The following SLC7A14 variants were observed in gnomAD, a reference collection of about 807,000 sequenced individuals.
SLC7A14 encodes gamma-aminobutyric acid transporter SLC7A14.
In SLC7A14, 37 loss-of-function variants were observed where a neutral mutation model predicts 60.2. The observed-to-expected ratio is 0.61, with a 90% CI of 0.47 to 0.81. The LOEUF (loss-of-function observed/expected upper bound fraction) is 0.81. SLC7A14 is among the 30% of genes least tolerant of loss of function. SLC7A14 has a pLI of 0.00. For missense variants in SLC7A14, 886 were observed against 982.7 expected (o/e 0.90, Z 1.32); for synonymous variants, 399 against 395.8 (o/e 1.01, Z -0.10).
chr3:170,505,628 G>A (rs943056586), intron 2 of SLC7A14, among the ~76,000 whole-genome samples: 7 of 152,184 alleles, frequency 4.6e-5, no homozygotes, highest in Non-Finnish European at 1.0e-4. Flanking sequence ...GCTCATGCCT[G>A]TAATCCCAGA....
At chr3:170,530,094 C>G (rs1350019521) in intron 1 of SLC7A14, among the ~76,000 whole-genome samples, 2 of 152,130 alleles carry the variant, frequency 1.3e-5, no homozygotes, top group African/African-American at 4.8e-5. Context: ...GCACAAATTG[C>G]AAAAACCGCA....
rs1049587237 is a variant in SLC7A14, at chr3:170,466,613, A to G, written c.*442T>C. The G allele has an allele frequency of 6.4e-6, 1 of 155,044 alleles. No individual in the cohort carries two copies. Among genetic ancestry groups the G allele is most frequent in the Non-Finnish European group, 1.4e-5 (1 of 70,196 alleles). The allele number at this position is 155,044 out of a possible 1,614,324, so 9.6% of individuals were successfully genotyped here. A position where few individuals can be genotyped will look rare whatever the true frequency, so the allele number is the denominator to read the frequency against. On this transcript the variant is annotated 3_prime_UTR_variant, in exon 8 of 8. Coordinates refer to ENST00000231706, the MANE Select transcript of SLC7A14 (RefSeq NM_020949.3). ...AATGATGCTTGCTCAGGAAGTGCCA[A>G]TGCCCATCTACCCACCCTGACCTCG... is the stretch of plus-strand genomic sequence containing the variant.
chr3:170,556,563 A>G (rs1714490092), intron 1 of SLC7A14, among the ~76,000 whole-genome samples: 1 of 152,214 alleles, frequency 6.6e-6, no homozygotes, highest in Non-Finnish European at 1.5e-5. Flanking sequence ...ATTGTAAGGT[A>G]TATCTCAGTA....
At chr3:170,513,453 G>T (rs555048059) in intron 2 of SLC7A14, among the ~76,000 whole-genome samples, 5 of 152,260 alleles carry the variant, frequency 3.3e-5, no homozygotes, top group African/African-American at 1.2e-4. Flanking sequence ...TATTCCAAGT[G>T]GGAAATGTCT....
intron 7 of SLC7A14, among the ~76,000 whole-genome samples, chr3:170,477,716 A>T (rs150719278): frequency 6.6e-6 from 1 of 152,228 alleles, no homozygotes; most frequent in Non-Finnish European, 1.5e-5. Context: ...ATTCATGTGT[A>T]TGTGTGGTTT....
At chr3:170,500,782 A>G (rs1371983696) in intron 3 of SLC7A14, among the ~76,000 whole-genome samples, 1 of 152,006 alleles carries the variant, frequency 6.6e-6, no homozygotes, top group Non-Finnish European at 1.5e-5. Context: ...AGTTTCCCTA[A>G]TCATCCTTTT....
intron 2 of SLC7A14, among the ~76,000 whole-genome samples, chr3:170,510,397 A>AAT (rs1712936642): frequency 1.4e-5 from 2 of 143,980 alleles, no homozygotes; most frequent in East Asian, 2.0e-4. Context: ...CAAAAAAAAA[A>AAT]AAATAAATAA....
chr3:170,559,936 T>C (rs1002998586), intron 1 of SLC7A14, among the ~76,000 whole-genome samples: 1 of 152,240 alleles, frequency 6.6e-6, no homozygotes. Context: ...TTACCAAATG[T>C]TTTTGGAAGG....
rs1211327416 is a variant in SLC7A14, at chr3:170,480,514, T to C, written c.1768A>G (p.Ile590Val). The change falls in exon 7 of 8, where the codon ATC becomes GTC. Residue 590 changes from isoleucine to valine, a missense_variant. Transcript: ENST00000231706. ...ATGGCCCACCAGCTCTGCTCTGAGA[T>C]GTAGTCAGAACCAAAGATGATGAAG... ...CSFIIFGSDY[I>V]SEQSWWAILL... 2.5e-6 allele frequency: 4 copies of C among 1,614,020 alleles called. No individual in the cohort carries two copies. Among genetic ancestry groups the C allele is most frequent in the Non-Finnish European group, 3.4e-6 (4 of 1,180,034 alleles).
At chr3:170,489,967 G>A (rs1007386384) in intron 4 of SLC7A14, among the ~76,000 whole-genome samples, 1 of 152,018 alleles carries the variant, frequency 6.6e-6, no homozygotes, top group Non-Finnish European at 1.5e-5. Context: ...GGCTGGACGG[G>A]GGGAGGTGGG....
chr3:170,471,162 G>T (rs1455376638), intron 7 of SLC7A14, among the ~76,000 whole-genome samples: 1 of 151,370 alleles, frequency 6.6e-6, no homozygotes, highest in Non-Finnish European at 1.5e-5. Flanking sequence ...CAGGACAACA[G>T]GACAGTGGGC....
At chr3:170,513,451 G>A (rs1424477816) in intron 2 of SLC7A14, among the ~76,000 whole-genome samples, 2 of 152,200 alleles carry the variant, frequency 1.3e-5, no homozygotes, top group Admixed American at 6.5e-5. Flanking sequence ...TTTATTCCAA[G>A]TGGGAAATGT....
intron 1 of SLC7A14, among the ~76,000 whole-genome samples, chr3:170,552,329 G>T (rs1349874581): frequency 1.3e-5 from 2 of 152,132 alleles, no homozygotes; most frequent in African/African-American, 4.8e-5. Flanking sequence ...CCCTCACATT[G>T]TTGGGCATTG....
At chr3:170,505,929 T>G (rs1056263528) in intron 2 of SLC7A14, among the ~76,000 whole-genome samples, 3 of 152,156 alleles carry the variant, frequency 2.0e-5, no homozygotes, top group African/African-American at 7.2e-5. Flanking sequence ...AATATTTACT[T>G]AATTTGGTGA....
At chr3:170,584,755 G>C (rs983626589) in intron 1 of SLC7A14, among the ~76,000 whole-genome samples, 1 of 152,180 alleles carries the variant, frequency 6.6e-6, no homozygotes, top group Non-Finnish European at 1.5e-5. Context: ...GAGGAGGAGA[G>C]CTACCTTGCC....
chr3:170,521,349 G>T (rs1350680377), intron 2 of SLC7A14, among the ~76,000 whole-genome samples: 1 of 152,252 alleles, frequency 6.6e-6, no homozygotes, highest in East Asian at 1.9e-4. Flanking sequence ...TCTTAAGATT[G>T]TGCTGTCCAA....
intron 7 of SLC7A14, among the ~76,000 whole-genome samples, chr3:170,470,341 T>TGTG (rs1553864074): frequency 4.6e-5 from 7 of 150,704 alleles, no homozygotes; most frequent in African/African-American, 1.7e-4. Flanking sequence ...TGTGTGTGTA[T>TGTG]GTGTGTGTGT....
chr3:170,522,160 A>G (rs1560268316), intron 2 of SLC7A14, among the ~76,000 whole-genome samples: 1 of 152,232 alleles, frequency 6.6e-6, no homozygotes, highest in Non-Finnish European at 1.5e-5. Context: ...GAGTGCTGGC[A>G]AAGAACTGGA....
chr3:170,466,734 G>A lies in SLC7A14; in HGVS notation c.*321C>T, dbSNP rs1350522309. The stretch of plus-strand genomic sequence containing the variant: ...CCTTCTGCCCAGAGCCCCTGCTTGG[G>A]CTTCAACCAGCAAAGCAAAGGCCTA... On this transcript the variant is annotated 3_prime_UTR_variant, in exon 8 of 8. Transcript: ENST00000231706. 1.4e-5 allele frequency: 3 copies of A among 222,042 alleles called. No individual in the cohort carries two copies. The highest frequency in any genetic ancestry group is 2.7e-5 in the Non-Finnish European group (3 of 112,270). The allele number at this position is 222,042 out of a possible 1,614,324, so 13.8% of individuals were successfully genotyped here. A position where few individuals can be genotyped will look rare whatever the true frequency, so the allele number is the denominator to read the frequency against.
Sources: allele counts gnomAD v4.1 joint callset (sites outside exome capture counted in the v4.1 genomes callset), GRCh38; gene constraint gnomAD v4.1.1; transcripts MANE v1.5; gene names NCBI Gene and HGNC (gene_info 2026-07-23, HGNC 2026-07-21).